SLC5A2: variants seen among roughly 807,000 people sequenced by gnomAD.
SLC5A2 encodes the protein sodium/glucose cotransporter 2.
A neutral mutation model predicts 69.0 loss-of-function variants in SLC5A2; 67 were observed. The observed-to-expected ratio is 0.97, with a 90% CI of 0.80 to 1.19. The LOEUF (loss-of-function observed/expected upper bound fraction) is 1.19. Among genes scored for constraint, SLC5A2 ranks in the 50% most tolerant of loss-of-function variants. The pLI, the probability that SLC5A2 is intolerant of heterozygous loss-of-function variation, is 0.00. For missense variants in SLC5A2, 1,001 were observed against 921.5 expected (o/e 1.09, Z -1.12); for synonymous variants, 455 against 395.8 (o/e 1.15, Z -1.78).
Position 31,487,544 on chromosome 16 carries a change from G to A in SLC5A2, c.670G>A (p.Gly224Ser). The change falls in exon 7 of 14, where the codon GGC becomes AGC. Residue 224 changes from glycine to serine, a missense_variant. Coordinates refer to ENST00000330498, the MANE Select transcript of SLC5A2 (RefSeq NM_003041.4). ...ILMGYAFHEV[G>S]GYSGLFDKYL... ...TTGCCCGGCAGCCTTCCACGAGGTGGGCGGGTATTCGGGTCTCTTCGACAA... is the reference window on the plus strand; with the variant it reads ...TTGCCCGGCAGCCTTCCACGAGGTGAGCGGGTATTCGGGTCTCTTCGACAA... 2 of 1,613,890 alleles carry A rather than the reference G, an allele frequency of 1.2e-6. No homozygotes were observed. The highest frequency in any genetic ancestry group is 8.5e-7 in the Non-Finnish European group (1 of 1,179,996).
intron 1 of SLC5A2, among the ~76,000 whole-genome samples, chr16:31,484,451 A>G (rs2082479266): frequency 6.6e-6 from 1 of 151,990 alleles, no homozygotes. Context: ...AAAAGAAAGA[A>G]AAAGAAAAAA....
At position 31,490,084 on chromosome 16, in the gene SLC5A2, C is replaced by A. The variant is rs376197037; in HGVS notation, c.1666-20C>A. On this transcript the variant is annotated intron_variant, in intron 12 of 13. Transcript: ENST00000330498. ...GGGGGGACAGAACTCCCACCTCGTT[C>A]GTGCTCCCACCCTCCCCAGCTCCAC... 1.2e-6 allele frequency: 2 copies of A among 1,612,872 alleles called. No homozygotes were observed. Among genetic ancestry groups the A allele is most frequent in the Admixed American group, 1.7e-5 (1 of 59,996 alleles).
In SLC5A2 at chr16:31,488,091, C is replaced by A. The variant is rs761468891; in HGVS notation, c.939C>A (p.Gly313=). ...AGAGCCTGACCCACATCAAGGCGGG[C>A]TGCATCCTGTGTGGGTACCTGAAGC... ...AGKSLTHIKA[G]CILCGYLKLT... is the part of the protein sequence containing the mutation. Residue 313 remains glycine, a synonymous_variant, in exon 8 of 14, where the codon GGC becomes GGA. Coordinates refer to ENST00000330498, the MANE Select transcript of SLC5A2 (RefSeq NM_003041.4). 6.2e-7 allele frequency: 1 copy of A among 1,614,080 alleles called. No individual in the cohort carries two copies. Among genetic ancestry groups the A allele is most frequent in the South Asian group, 1.1e-5 (1 of 91,092 alleles).
intron 7 of SLC5A2, 106 bp downstream of exon 7, chr16:31,487,865 G>A (rs1339535174): frequency 7.1e-7 from 1 of 1,413,876 alleles, no homozygotes; most frequent in Non-Finnish European, 9.6e-7. Context: ...CGCAGTCTGA[G>A]GGGCGGGAAC....
rs749417038 is a variant in SLC5A2, at chr16:31,488,929, G to A, written c.1330G>A (p.Val444Met). 6.2e-7 allele frequency: 1 copy of A among 1,604,808 alleles called. No homozygotes were observed. ...AGTGTCGGTGGCCTGGCTTCCCGTGGTGCAGGCGGCACAGGGCGGGCAGCT... is the reference window on the plus strand; with the variant it reads ...AGTGTCGGTGGCCTGGCTTCCCGTGATGCAGGCGGCACAGGGCGGGCAGCT... The part of the protein sequence containing the change: ...VVVSVAWLPV[V>M]QAAQGGQLFD... The change falls in exon 11 of 14, where the codon GTG becomes ATG. Residue 444 changes from valine (V) to methionine (M), a missense_variant. Transcript: ENST00000330498.
Position 31,488,970 on chromosome 16 carries a change from G to A in SLC5A2, c.1371G>A (p.Gln457=), listed in dbSNP as rs764491154. The change falls in exon 11 of 14, where the codon CAG becomes CAA. Residue 457 remains glutamine (Q), a synonymous_variant. Transcript: ENST00000330498. Reference sequence around the variant, plus strand: ...GCGGGCAGCTCTTCGATTACATCCAGGCAGTCTCTAGCTACCTGGCACCGC... The same window carrying A: ...GCGGGCAGCTCTTCGATTACATCCAAGCAGTCTCTAGCTACCTGGCACCGC... ...AQGGQLFDYI[Q]AVSSYLAPPV... 1.9e-6 allele frequency: 3 copies of A among 1,602,154 alleles called. No homozygotes were observed. The highest frequency in any genetic ancestry group is 2.5e-6 in the Non-Finnish European group (3 of 1,179,880).
In SLC5A2 at chr16:31,488,903, T is replaced by C; in HGVS notation, c.1304T>C (p.Val435Ala). 2 of 1,605,384 alleles carry C rather than the reference T, an allele frequency of 1.2e-6. No individual in the cohort carries two copies. The highest frequency in any genetic ancestry group is 1.3e-5 in the African/African-American group (1 of 75,010). The change falls in exon 11 of 14, where the codon GTA (valine) becomes GCA (alanine). Residue 435 changes from valine (V) to alanine (A), a missense_variant. By Grantham distance (64) the Val-to-Ala change is moderately conservative. Transcript: ENST00000330498. ...VGRLWVVFIV[V>A]VSVAWLPVVQ... ...AGGCTCTGGGTGGTGTTCATCGTGG[T>C]AGTGTCGGTGGCCTGGCTTCCCGTG...
At position 31,485,725 on chromosome 16, in the gene SLC5A2, G is replaced by A. The variant is rs75602680; in HGVS notation, c.304-4G>A. 16 of 1,612,688 alleles carry A rather than the reference G, an allele frequency of 9.9e-6. No homozygotes were observed. The Admixed American group carries it at 1.2e-4, about 12-fold the overall frequency. The stretch of plus-strand genomic sequence containing the variant: ...ACCCTCAGCGGCAGTACTGCCCCCC[G>A]TAGGCGCTCTTCGTGGTGCTGCTAC... On this transcript the variant is annotated splice_polypyrimidine_tract_variant and splice_region_variant and intron_variant, in intron 3 of 13. Coordinates refer to ENST00000330498, the MANE Select transcript of SLC5A2 (RefSeq NM_003041.4).
Position 31,483,269 on chromosome 16 carries a change from A to G in SLC5A2, c.126+7A>G. On this transcript the variant is annotated splice_region_variant and intron_variant, in intron 1 of 13. Transcript: ENST00000330498. The stretch of plus-strand genomic sequence containing the variant: ...CATTGGCGTTGGCTTGTGGGTGAGA[A>G]GTTGGGGGGTGTGCTGCTGGTGGCT... 3.1e-6 allele frequency: 5 copies of G among 1,610,650 alleles called. No homozygotes were observed. The highest frequency in any genetic ancestry group is 4.2e-6 in the Non-Finnish European group (5 of 1,178,972).
chr16:31,490,259 G>A, intron 13 of SLC5A2, 29 bp downstream of exon 13: 3 of 1,613,982 alleles, frequency 1.9e-6, no homozygotes, highest in Non-Finnish European at 2.5e-6. Flanking sequence ...AGGTGGGGCT[G>A]GAGGAGCTGA....
intron 3 of SLC5A2, chr16:31,485,413 G>T (rs1454171679): frequency 4.1e-6 from 2 of 493,418 alleles, no homozygotes; most frequent in South Asian, 2.2e-5. Context: ...CACAAGGTTT[G>T]GGTGGCTTTG....
At position 31,488,395 on chromosome 16, in the gene SLC5A2, G is replaced by T; in HGVS notation, c.1034G>T (p.Cys345Phe). Residue 345 changes from cysteine (C) to phenylalanine (F), a missense_variant, in exon 9 of 14, where the codon TGC (cysteine) becomes TTC (phenylalanine). Physicochemically the swap from Cys to Phe is radical, Grantham distance 205 (BLOSUM62 -2). Coordinates refer to ENST00000330498, the MANE Select transcript of SLC5A2 (RefSeq NM_003041.4). ...SRILYPDEVA[C>F]VVPEVCRRVC... The stretch of plus-strand genomic sequence containing the variant: ...CTCTCTCTGGCAGACGAGGTGGCGT[G>T]CGTGGTGCCTGAGGTGTGCAGGCGC... 6.2e-7 allele frequency: 1 copy of T among 1,611,522 alleles called. No homozygotes were observed. The highest frequency in any genetic ancestry group is 8.5e-7 in the Non-Finnish European group (1 of 1,179,792).
intron 5 of SLC5A2, among the ~76,000 whole-genome samples, chr16:31,486,768 G>A (rs1018474365): frequency 1.3e-5 from 2 of 151,982 alleles, no homozygotes; most frequent in Non-Finnish European, 2.9e-5. Flanking sequence ...AACTGGGGCC[G>A]GCTGGGAGCG....
At position 31,488,475 on chromosome 16, in the gene SLC5A2, A is replaced by G. The variant is rs756482975; in HGVS notation, c.1114A>G (p.Lys372Glu). The change falls in exon 9 of 14, where the codon AAG becomes GAG. Residue 372 changes from lysine to glutamate, a missense_variant. By Grantham distance (56) the Lys-to-Glu change is moderately conservative. Transcript: ENST00000330498. The stretch of plus-strand genomic sequence containing the variant: ...CATCGCCTACCCGCGGCTCGTCGTG[A>G]AGCTCATGCCCAACGGTAAGGGCAG... Reference protein sequence around the residue: ...SNIAYPRLVVKLMPNGLRGLM... With the variant: ...SNIAYPRLVVELMPNGLRGLM... 29 of 1,609,352 alleles carry G rather than the reference A, an allele frequency of 1.8e-5. No individual in the cohort carries two copies. The highest frequency in any genetic ancestry group is 2.5e-5 in the Non-Finnish European group (29 of 1,179,018).
rs373529115 is a variant in SLC5A2, at chr16:31,483,265, G to A, written c.126+3G>A. ...TGGTCATTGGCGTTGGCTTGTGGGT[G>A]AGAAGTTGGGGGGTGTGCTGCTGGT... On this transcript the variant is annotated splice_donor_region_variant and intron_variant, in intron 1 of 13. Transcript: ENST00000330498. 1 of 1,613,852 alleles carries A rather than the reference G, an allele frequency of 6.2e-7. No individual in the cohort carries two copies. The highest frequency in any genetic ancestry group is 1.3e-5 in the African/African-American group (1 of 74,866).
rs771773395 is a variant in SLC5A2 at position 31,488,454 on chromosome 16, G to A, written c.1093G>A (p.Ala365Thr). ...CGTEVGCSNI[A>T]YPRLVVKLMP... ...CACGGAGGTGGGCTGCTCCAACATCGCCTACCCGCGGCTCGTCGTGAAGCT... is the reference window on the plus strand; with the variant it reads ...CACGGAGGTGGGCTGCTCCAACATCACCTACCCGCGGCTCGTCGTGAAGCT... Residue 365 changes from alanine to threonine, a missense_variant, in exon 9 of 14, where the codon GCC becomes ACC. By Grantham distance (58) the Ala-to-Thr change is moderately conservative (BLOSUM62 0). Transcript: ENST00000330498. 1.1e-5 allele frequency: 17 copies of A among 1,610,860 alleles called. No homozygotes were observed. Among genetic ancestry groups the A allele is most frequent in the Non-Finnish European group, 1.4e-5 (16 of 1,179,440 alleles).
In SLC5A2 at chr16:31,490,691, T is replaced by C. The variant is rs1343115294; in HGVS notation, c.*156T>C. The C allele has an allele frequency of 1.8e-6, 2 of 1,112,764 alleles. No homozygotes were observed. Among genetic ancestry groups the C allele is most frequent in the Admixed American group, 1.9e-5 (1 of 52,588 alleles). The allele number at this position is 1,112,764 out of a possible 1,614,324, so 68.9% of individuals were successfully genotyped here. On this transcript the variant is annotated 3_prime_UTR_variant, in exon 14 of 14. Coordinates refer to ENST00000330498, the MANE Select transcript of SLC5A2 (RefSeq NM_003041.4). ...TCTGCCTGGGGCCCACTGCATCTGA[T>C]TGGCAGTCACTTCCCATGAGGGCCT... is the stretch of plus-strand genomic sequence containing the variant.
At chr16:31,484,628 A>C (rs376535660) in intron 1 of SLC5A2, 45 bp from the exon 2 acceptor site, 16 of 1,584,790 alleles carry the variant, frequency 1.0e-5, no homozygotes, top group African/African-American at 1.3e-5. Flanking sequence ...GATGAGGTCC[A>C]AGGCTGTGCC....
intron 4 of SLC5A2, 116 bp downstream of exon 4, chr16:31,486,009 T>C (rs879581735): frequency 7.7e-7 from 1 of 1,291,044 alleles, no homozygotes; most frequent in Non-Finnish European, 1.1e-6. Context: ...GTTATGATGA[T>C]GGAGGCAGAG....
Sources: allele counts gnomAD v4.1 joint callset (sites outside exome capture counted in the v4.1 genomes callset), GRCh38; gene constraint gnomAD v4.1.1; transcripts MANE v1.5; gene names NCBI Gene and HGNC (gene_info 2026-07-23, HGNC 2026-07-21).